CHRM3: variants seen among roughly 807,000 people sequenced by gnomAD.
CHRM3 encodes cholinergic receptor muscarinic 3, also known as muscarinic acetylcholine receptor M3.
Under a neutral mutation model 41.8 loss-of-function variants are expected in CHRM3, and 11 were observed. The observed-to-expected ratio is 0.26, with a 90% CI of 0.17 to 0.44. The LOEUF is 0.44. Ranked by LOEUF, CHRM3 falls within the 20% of genes least tolerant of loss-of-function variation. The pLI, the probability that CHRM3 is intolerant of heterozygous loss-of-function variation, is 1.00. For synonymous variants in CHRM3, 297 were observed against 301.4 expected, an observed-to-expected ratio of 0.99 and a Z score of 0.15; for missense variants, 571 against 745.4, an observed-to-expected ratio of 0.77 and a Z score of 2.72.
chr1:239,691,530 G>A (rs567220318), intron 5 of CHRM3, among the ~76,000 whole-genome samples: 2 of 152,200 alleles, frequency 1.3e-5, no homozygotes, highest in East Asian at 3.9e-4. Context: ...GTCAACTTGC[G>A]AGAGTAACTA....
At chr1:239,568,828 C>CA (rs1483720747) in intron 3 of CHRM3, among the ~76,000 whole-genome samples, 2 of 152,174 alleles carry the variant, frequency 1.3e-5, no homozygotes, top group Non-Finnish European at 2.9e-5. Flanking sequence ...AGAACAGGGA[C>CA]AAGGTCTCTA....
At chr1:239,418,206 T>C (rs1661659163) in intron 1 of CHRM3, among the ~76,000 whole-genome samples, 1 of 152,220 alleles carries the variant, frequency 6.6e-6, no homozygotes, top group Admixed American at 6.5e-5. Context: ...CTGCTAAAAC[T>C]GAGCCTGTCT....
chr1:239,562,574 GATGATT>G (rs1002212960), intron 3 of CHRM3, among the ~76,000 whole-genome samples: 1 of 151,988 alleles, frequency 6.6e-6, no homozygotes, highest in African/African-American at 2.4e-5. Flanking sequence ...TGATGATGAT[GATGATT>G]ATTATTATTA....
At chr1:239,417,984 G>A (rs1661636699) in intron 1 of CHRM3, among the ~76,000 whole-genome samples, 1 of 152,160 alleles carries the variant, frequency 6.6e-6, no homozygotes, top group Non-Finnish European at 1.5e-5. Flanking sequence ...TGATAAGAAA[G>A]CTAAGTTTCA....
chr1:239,743,486 G>T (rs1014781943), intron 5 of CHRM3, among the ~76,000 whole-genome samples: 5 of 152,146 alleles, frequency 3.3e-5, no homozygotes, highest in African/African-American at 1.2e-4. Context: ...AATAGTAGCA[G>T]CTGACATGGA....
At chr1:239,480,452 A>G (rs1244176287) in intron 1 of CHRM3, among the ~76,000 whole-genome samples, 1 of 152,174 alleles carries the variant, frequency 6.6e-6, no homozygotes, top group South Asian at 2.1e-4. Flanking sequence ...TGGAAAAATA[A>G]GAGATACCAT....
At chr1:239,732,311 A>G (rs1054389270) in intron 5 of CHRM3, among the ~76,000 whole-genome samples, 1 of 82,508 alleles carries the variant, frequency 1.2e-5, no homozygotes, top group African/African-American at 4.3e-5. Context: ...TTAGATAAGT[A>G]TACCTAATAT....
At chr1:239,493,244 T>C (rs1339741176) in intron 2 of CHRM3, among the ~76,000 whole-genome samples, 3 of 152,212 alleles carry the variant, frequency 2.0e-5, no homozygotes, top group Non-Finnish European at 2.9e-5. Flanking sequence ...GTACCTTTCA[T>C]GTAGATTCAC....
chr1:239,848,558 T>C (rs996406267), intron 6 of CHRM3, among the ~76,000 whole-genome samples: 1 of 152,120 alleles, frequency 6.6e-6, no homozygotes, highest in African/African-American at 2.4e-5. Flanking sequence ...TCATATTTTA[T>C]CCCCATTTTT....
Position 239,722,052 on chromosome 1 carries a change from T to G in CHRM3, c.-147+43764T>G, listed in dbSNP as rs138806515. On this transcript the variant is annotated intron_variant, in intron 5 of 6. Transcript: ENST00000676153. ...TAATTTGCCAATTCACATTCAGCTT[T>G]TGGTTCATGGGACAGGCATTTAGAT... is the stretch of plus-strand genomic sequence containing the variant. 3.5e-3 allele frequency among the ~76,000 whole-genome samples: 529 copies of G among 152,028 alleles called. 10 individuals are homozygous for G. The highest frequency in any genetic ancestry group is 0.032 in the Admixed American group (486 of 15,222).
At chr1:239,763,973 T>A (rs913042487) in intron 5 of CHRM3, among the ~76,000 whole-genome samples, 1 of 151,658 alleles carries the variant, frequency 6.6e-6, no homozygotes, top group Non-Finnish European at 1.5e-5. Context: ...ATGCCTGTAG[T>A]CCCAGCTGCT....
At chr1:239,801,888 T>C (rs1172045828) in intron 5 of CHRM3, among the ~76,000 whole-genome samples, 2 of 152,150 alleles carry the variant, frequency 1.3e-5, no homozygotes, top group Admixed American at 6.5e-5. Context: ...TACTTTCATG[T>C]TTGTGATGCC....
At chr1:239,789,265 GA>G (rs1247691954) in intron 5 of CHRM3, among the ~76,000 whole-genome samples, 1 of 152,158 alleles carries the variant, frequency 6.6e-6, no homozygotes, top group Non-Finnish European at 1.5e-5. Flanking sequence ...AAGGAGACTG[GA>G]AAATGTCATC....
At chr1:239,589,169 A>T (rs1663782259) in intron 3 of CHRM3, among the ~76,000 whole-genome samples, 1 of 152,036 alleles carries the variant, frequency 6.6e-6, no homozygotes, top group African/African-American at 2.4e-5. Flanking sequence ...CCTGACCTCA[A>T]GTGATCCGCC....
At chr1:239,702,358 GC>G (rs1311839800) in intron 5 of CHRM3, among the ~76,000 whole-genome samples, 1 of 152,154 alleles carries the variant, frequency 6.6e-6, no homozygotes, top group Non-Finnish European at 1.5e-5. Flanking sequence ...AAGGGAGGAT[GC>G]TGCTGTAAGT....
At chr1:239,768,765 T>C (rs1445638858) in intron 5 of CHRM3, among the ~76,000 whole-genome samples, 1 of 91,182 alleles carries the variant, frequency 1.1e-5, no homozygotes, top group Non-Finnish European at 2.3e-5. Flanking sequence ...AGTTAAATGA[T>C]AATTTTTTTT....
rs572971259 is a variant in CHRM3 at position 239,567,558 on chromosome 1, T to C, written c.-313+21809T>C. Among the ~76,000 whole-genome samples the C allele has an allele frequency of 2.6e-5, 4 of 152,334 alleles. No individual in the cohort carries two copies. In the East Asian group the frequency reaches 7.7e-4, roughly 29 times the overall value. The stretch of plus-strand genomic sequence containing the variant: ...GTTTTAGGTAACAACTTATAGAATT[T>C]ATCTTGAAGCAATAATTAAAACAGT... On this transcript the variant is annotated intron_variant, in intron 3 of 6. Coordinates refer to ENST00000676153, the MANE Select transcript of CHRM3 (RefSeq NM_001375978.1).
At position 239,813,477 on chromosome 1, in the gene CHRM3, C is replaced by T. The variant is rs561919846; in HGVS notation, c.-146-13775C>T. The stretch of plus-strand genomic sequence containing the variant: ...TTTCTAACACTTCTGTGACCAAAAA[C>T]ACTTGTTTCTTTATACTATTAATTT... On this transcript the variant is annotated intron_variant, in intron 5 of 6. Coordinates refer to ENST00000676153, the MANE Select transcript of CHRM3 (RefSeq NM_001375978.1). 4.1e-4 allele frequency among the ~76,000 whole-genome samples: 63 copies of T among 152,232 alleles called. 1 individual carries two copies. The South Asian group carries it at 0.012, about 30-fold the overall frequency.
intron 1 of CHRM3, among the ~76,000 whole-genome samples, chr1:239,416,556 T>G (rs568075473): frequency 6.6e-6 from 1 of 152,358 alleles, no homozygotes; most frequent in East Asian, 1.9e-4. Context: ...AATTGTTTTC[T>G]TCTTTTTGCT....
Sources: gnomAD v4.1 joint callset for allele counts (sites outside exome capture counted in the v4.1 genomes callset) on GRCh38, gnomAD v4.1.1 for gene constraint, MANE v1.5 for transcripts, NCBI Gene and HGNC (gene_info 2026-07-23, HGNC 2026-07-21) for gene names.